The following ZCCHC7 variants were observed in gnomAD, a reference collection of about 807,000 sequenced individuals.
ZCCHC7 encodes the protein zinc finger CCHC-type containing 7, also known as zinc finger CCHC domain-containing protein 7.
ZCCHC7 carries 35 observed loss-of-function variants against 52.0 expected under a neutral mutation model. The ratio of observed to expected loss-of-function variants is 0.67; its 90% confidence interval spans 0.51 to 0.89. The LOEUF is 0.89. Ranked by LOEUF, ZCCHC7 falls within the 40% of genes least tolerant of loss-of-function variation. ZCCHC7 has a pLI of 0.00. For missense variants in ZCCHC7, 574 were observed against 649.1 expected (o/e 0.88, Z 1.26); for synonymous variants, 217 against 221.5 (o/e 0.98, Z 0.18).
intron 6 of ZCCHC7, among the ~76,000 whole-genome samples, chr9:37,341,608 TTTGG>T (rs576887619): frequency 9.9e-5 from 15 of 152,068 alleles, no homozygotes; most frequent in East Asian, 7.7e-4. Flanking sequence ...TTGAGTTTTG[TTTGG>T]TTGGTTGGTT....
intron 2 of ZCCHC7, among the ~76,000 whole-genome samples, chr9:37,206,785 A>G (rs1485111192): frequency 6.6e-6 from 1 of 152,058 alleles, no homozygotes; most frequent in African/African-American, 2.4e-5. Flanking sequence ...CTCCTCCCTT[A>G]CAAGGTGGCC....
At chr9:37,205,199 A>G in intron 2 of ZCCHC7, 1 of 379,880 alleles carries the variant, frequency 2.6e-6, no homozygotes, top group Non-Finnish European at 5.1e-6. Context: ...CAATGCCAAC[A>G]GCGTGCAGGG....
chr9:37,354,913 TG>T lies in ZCCHC7; in HGVS notation c.1198+91del. On this transcript the variant is annotated intron_variant, in intron 8 of 8. Coordinates refer to ENST00000336755, the MANE Select transcript of ZCCHC7 (RefSeq NM_032226.3). This position sits in a 1 kb window ranked among gnomAD's most constrained non-coding sequence, Gnocchi z 4.0. ...TGTCTTTGCCTGCTTTGGGGGTCATTGGTTAGCATAGAAAGTATTTTTAGTA... is the reference window on the plus strand; with the variant it reads ...TGTCTTTGCCTGCTTTGGGGGTCATTGTTAGCATAGAAAGTATTTTTAGTA... 4 of 781,754 alleles carry T rather than the reference TG, an allele frequency of 5.1e-6. No individual in the cohort carries two copies. The highest frequency in any genetic ancestry group is 8.1e-6 in the Non-Finnish European group (4 of 493,476). The allele number at this position is 781,754 out of a possible 1,614,324, so 48.4% of individuals were successfully genotyped here.
At chr9:37,153,802 T>C (rs939295077) in intron 2 of ZCCHC7, among the ~76,000 whole-genome samples, 30 of 152,100 alleles carry the variant, frequency 2.0e-4, no homozygotes, top group African/African-American at 7.2e-4. Context: ...GTTTCTTTAA[T>C]TGGAGAATGA....
At chr9:37,135,674 G>A (rs917143850) in intron 2 of ZCCHC7, among the ~76,000 whole-genome samples, 2 of 152,148 alleles carry the variant, frequency 1.3e-5, no homozygotes, top group South Asian at 4.1e-4. Context: ...TTTATTTGCA[G>A]TTCTGCCTTT....
chr9:37,163,115 C>T (rs1821197293), intron 2 of ZCCHC7, among the ~76,000 whole-genome samples: 1 of 152,026 alleles, frequency 6.6e-6, no homozygotes. Context: ...GCAGAAGAAT[C>T]ACTTGAACCC....
chr9:37,349,110 A>C (rs1228160673), intron 6 of ZCCHC7, among the ~76,000 whole-genome samples: 1 of 152,250 alleles, frequency 6.6e-6, no homozygotes, highest in Non-Finnish European at 1.5e-5. Context: ...CGAACACAGT[A>C]CTTGGCACAA....
intron 2 of ZCCHC7, among the ~76,000 whole-genome samples, chr9:37,275,382 C>T (rs893049712): frequency 7.0e-6 from 1 of 143,380 alleles, no homozygotes; most frequent in Admixed American, 7.1e-5. Flanking sequence ...ATTTTGTATA[C>T]ATCAGGCTTC....
At chr9:37,170,722 C>G (rs544169264) in intron 2 of ZCCHC7, among the ~76,000 whole-genome samples, 1 of 152,304 alleles carries the variant, frequency 6.6e-6, no homozygotes, top group African/African-American at 2.4e-5. Flanking sequence ...CGTTTCTTCT[C>G]TAAGTCTACT....
chr9:37,344,695 G>T (rs563802535), intron 6 of ZCCHC7, among the ~76,000 whole-genome samples: 2 of 151,992 alleles, frequency 1.3e-5, no homozygotes, highest in Non-Finnish European at 2.9e-5. Context: ...TATTTTAATT[G>T]TTTGCATACT....
intron 6 of ZCCHC7, among the ~76,000 whole-genome samples, chr9:37,328,097 A>G (rs1054673715): frequency 6.6e-6 from 1 of 152,002 alleles, no homozygotes; most frequent in African/African-American, 2.4e-5. Context: ...CTTCCAGACT[A>G]TATTCATTAA....
In ZCCHC7 at chr9:37,126,607, T is replaced by C. The variant is rs751809243; in HGVS notation, c.275T>C (p.Ile92Thr). 4 of 1,614,180 alleles carry C rather than the reference T, an allele frequency of 2.5e-6. No individual in the cohort carries two copies. The highest frequency in any genetic ancestry group is 3.4e-6 in the Non-Finnish European group (4 of 1,180,030). ...VIQLSDGSEV[I>T]TLSDEDSIYR... is the part of the protein sequence containing the mutation. ...CAGCTGTCAGATGGGTCAGAGGTCATCACTTTGTCTGATGAAGACAGTATT... is the reference window on the plus strand; with the variant it reads ...CAGCTGTCAGATGGGTCAGAGGTCACCACTTTGTCTGATGAAGACAGTATT... Residue 92 changes from isoleucine to threonine, a missense_variant, in exon 2 of 9, where the codon ATC becomes ACC. Transcript: ENST00000336755.
chr9:37,142,301 G>T (rs1015922190), intron 2 of ZCCHC7, among the ~76,000 whole-genome samples: 1 of 151,514 alleles, frequency 6.6e-6, no homozygotes, highest in African/African-American at 2.4e-5. Flanking sequence ...TCCTTTGATT[G>T]TACCTCATGG....
intron 6 of ZCCHC7, among the ~76,000 whole-genome samples, chr9:37,341,595 A>G (rs1820641442): frequency 6.6e-6 from 1 of 152,090 alleles, no homozygotes; most frequent in South Asian, 2.1e-4. Flanking sequence ...GATAAGTGCC[A>G]TGTTGAGTTT....
chr9:37,327,888 T>G, intron 6 of ZCCHC7, 54 bp downstream of exon 6: 2 of 1,572,712 alleles, frequency 1.3e-6, no homozygotes, highest in Non-Finnish European at 1.7e-6. Context: ...TTTACCCTTC[T>G]CTGAACTGCT....
At chr9:37,197,733 A>C (rs2133137488) in intron 2 of ZCCHC7, among the ~76,000 whole-genome samples, 1 of 152,234 alleles carries the variant, frequency 6.6e-6, no homozygotes, top group African/African-American at 2.4e-5. Flanking sequence ...CAATTGCACT[A>C]TTCTGGATTT....
At chr9:37,329,493 G>C (rs1345660989) in intron 6 of ZCCHC7, among the ~76,000 whole-genome samples, 2 of 151,624 alleles carry the variant, frequency 1.3e-5, no homozygotes, top group Non-Finnish European at 3.0e-5. Flanking sequence ...CTGGAATCCT[G>C]GTTAATTTTT....
intron 2 of ZCCHC7, among the ~76,000 whole-genome samples, chr9:37,199,661 TGTCTGTC>T (rs1425264890): frequency 2.3e-5 from 3 of 130,530 alleles, no homozygotes; most frequent in African/African-American, 8.6e-5. Flanking sequence ...TCTGTCTGTC[TGTCTGTC>T]TTTCTCTCTG....
At chr9:37,322,631 C>T (rs1003483081) in intron 5 of ZCCHC7, among the ~76,000 whole-genome samples, 4 of 149,186 alleles carry the variant, frequency 2.7e-5, no homozygotes, top group Non-Finnish European at 5.9e-5. Flanking sequence ...GAGTAGACTT[C>T]GGCTGAATGT....
Sources: gnomAD v4.1 joint callset for allele counts (sites outside exome capture counted in the v4.1 genomes callset) on GRCh38, gnomAD v4.1.1 for gene constraint, Gnocchi (gnomAD v3.1) non-coding constraint, MANE v1.5 for transcripts, NCBI Gene and HGNC (gene_info 2026-07-23, HGNC 2026-07-21) for gene names.